The following ECM2 variants were observed in gnomAD, a reference collection of about 807,000 sequenced individuals.
The protein encoded by ECM2 is extracellular matrix protein 2, also known as extracellular matrix protein 2, female organ and adipocyte specific.
A neutral mutation model predicts 67.5 loss-of-function variants in ECM2; 57 were observed. The ratio of observed to expected loss-of-function variants is 0.84; its 90% CI spans 0.68 to 1.05. The LOEUF (loss-of-function observed/expected upper bound fraction) is 1.05, where lower values mean the gene tolerates loss of function less well. Ranked by LOEUF, ECM2 falls within the 50% of genes least tolerant of loss-of-function variation. The pLI is 0.00. For synonymous variants in ECM2, 258 were observed against 294.5 expected, an observed-to-expected ratio of 0.88 and a Z score of 1.27; for missense variants, 741 against 822.8, an observed-to-expected ratio of 0.90 and a Z score of 1.22.
At chr9:92,548,963 A>G in the ECM2 span, among the ~76,000 whole-genome samples, 1 of 152,232 alleles carries the variant, frequency 6.6e-6, no homozygotes, top group Admixed American at 6.5e-5. Flanking sequence ...GAACAAGGCT[A>G]TAAGACTTTC....
chr9:92,529,344 T>C (rs935325695), intron 1 of ECM2, among the ~76,000 whole-genome samples: 1 of 152,214 alleles, frequency 6.6e-6, no homozygotes, highest in African/African-American at 2.4e-5. Context: ...GTAAGTCTCA[T>C]TCGGTGCTGG....
chr9:92,516,575 G>A (rs1847738368), intron 3 of ECM2: 1 of 152,166 alleles, frequency 6.6e-6, no homozygotes, highest in Admixed American at 6.5e-5. Flanking sequence ...ATAGGAAAAA[G>A]TTAGTAAAAG....
At position 92,512,048 on chromosome 9, in the gene ECM2, T is replaced by C. The variant is rs988745902; in HGVS notation, c.1133A>G (p.Asn378Ser). Residue 378 changes from asparagine to serine, a missense_variant, in exon 5 of 10, where the codon AAT becomes AGT. By Grantham distance (46) the Asn-to-Ser change is conservative. Coordinates refer to ENST00000344604, the MANE Select transcript of ECM2 (RefSeq NM_001393.4). ...NLERLDLSKN[N>S]ITSSGIGPKA... Reference sequence around the variant, plus strand: ...TGGACCTATGCCTGAAGAAGTGATATTATTTTTACTCAGATCAAGCCTTTC... The same window carrying C: ...TGGACCTATGCCTGAAGAAGTGATACTATTTTTACTCAGATCAAGCCTTTC... The C allele has an allele frequency of 1.2e-6, 2 of 1,613,598 alleles. No individual in the cohort carries two copies. The highest frequency in any genetic ancestry group is 1.7e-6 in the Non-Finnish European group (2 of 1,179,688).
At chr9:92,526,290 A>G (rs1848405197) in intron 1 of ECM2, among the ~76,000 whole-genome samples, 1 of 152,226 alleles carries the variant, frequency 6.6e-6, no homozygotes, top group South Asian at 2.1e-4. Flanking sequence ...ATTACGCTAT[A>G]AAGAAAGAAA....
chr9:92,547,111 G>GT, the ECM2 span, among the ~76,000 whole-genome samples: 2 of 152,102 alleles, frequency 1.3e-5, no homozygotes, highest in African/African-American at 2.4e-5. Flanking sequence ...AACTAGCGGC[G>GT]TAAGTGTAAC....
chr9:92,499,645 T>C (rs1246815390), intron 9 of ECM2, among the ~76,000 whole-genome samples: 1 of 152,214 alleles, frequency 6.6e-6, no homozygotes, highest in Non-Finnish European at 1.5e-5. Flanking sequence ...TGAAGTATTT[T>C]TGCCAAAAAA....
the ECM2 span, among the ~76,000 whole-genome samples, chr9:92,546,424 C>T: frequency 4.6e-5 from 7 of 152,186 alleles, no homozygotes; most frequent in African/African-American, 1.4e-4. Context: ...ACTTTATGAG[C>T]TGTAACACTC....
At chr9:92,551,018 A>G in the ECM2 span, among the ~76,000 whole-genome samples, 2 of 152,172 alleles carry the variant, frequency 1.3e-5, no homozygotes, top group African/African-American at 4.8e-5. Flanking sequence ...GAGCCAGGGA[A>G]GAGGAATGCA....
chr9:92,501,807 AATCCCAG>A (rs1846696741), intron 8 of ECM2, among the ~76,000 whole-genome samples: 1 of 152,134 alleles, frequency 6.6e-6, no homozygotes, highest in African/African-American at 2.4e-5. Flanking sequence ...CAGGACACGC[AATCCCAG>A]ATCCCAGTTG....
chr9:92,504,345 C>T (rs1319262188), intron 7 of ECM2, among the ~76,000 whole-genome samples: 1 of 152,196 alleles, frequency 6.6e-6, no homozygotes, highest in Non-Finnish European at 1.5e-5. Flanking sequence ...ATGACAGCCA[C>T]ATAAGATCAC....
At chr9:92,541,190 C>T (rs931009966), upstream of ECM2, among the ~76,000 whole-genome samples, 3 of 152,080 alleles carry the variant, frequency 2.0e-5, no homozygotes, top group African/African-American at 7.2e-5. Context: ...ACCCAGGAGG[C>T]GGAGATTGCA....
intron 1 of ECM2, among the ~76,000 whole-genome samples, chr9:92,527,540 A>G (rs1353202993): frequency 6.6e-6 from 1 of 152,198 alleles, no homozygotes; most frequent in African/African-American, 2.4e-5. Context: ...TAAGTGACAT[A>G]TGACTGTAAT....
intron 1 of ECM2, among the ~76,000 whole-genome samples, chr9:92,534,377 CTTAG>C (rs1422454692): frequency 2.0e-5 from 3 of 152,202 alleles, no homozygotes; most frequent in East Asian, 1.9e-4. Context: ...TCAGGTTTCA[CTTAG>C]TTAGTTCATA....
the ECM2 span, among the ~76,000 whole-genome samples, chr9:92,555,733 A>G: frequency 6.6e-6 from 1 of 152,030 alleles, no homozygotes; most frequent in African/African-American, 2.4e-5. Flanking sequence ...GTCAGTTGTA[A>G]TATCTCCTGT....
At chr9:92,554,120 G>A in the ECM2 span, among the ~76,000 whole-genome samples, 1 of 152,122 alleles carries the variant, frequency 6.6e-6, no homozygotes, top group African/African-American at 2.4e-5. Context: ...ATCGTAAAGC[G>A]ATGCTGGATT....
the ECM2 span, among the ~76,000 whole-genome samples, chr9:92,549,654 AAAAAC>A: frequency 7.0e-6 from 1 of 143,214 alleles, no homozygotes; most frequent in Non-Finnish European, 1.5e-5. Flanking sequence ...CTCAAAAAAA[AAAAAC>A]AAAACAAAAC....
chr9:92,528,941 G>A (rs1399516606), intron 1 of ECM2, among the ~76,000 whole-genome samples: 1 of 152,178 alleles, frequency 6.6e-6, no homozygotes, highest in Non-Finnish European at 1.5e-5. Context: ...TAAAGTAGGT[G>A]TTTAAAAATC....
downstream of ECM2, chr9:92,493,888 A>T (rs1846238836): frequency 2.5e-6 from 1 of 405,646 alleles, no homozygotes; most frequent in Non-Finnish European, 4.4e-6. Flanking sequence ...TTGAGAAGCG[A>T]CATACACAGC....
intron 1 of ECM2, among the ~76,000 whole-genome samples, chr9:92,533,609 A>T (rs1451148856): frequency 6.6e-6 from 1 of 151,774 alleles, no homozygotes; most frequent in Non-Finnish European, 1.5e-5. Flanking sequence ...AGGTCTAATG[A>T]TCTGACTTGC....
Sources: allele counts gnomAD v4.1 joint callset (sites outside exome capture counted in the v4.1 genomes callset), GRCh38; gene constraint gnomAD v4.1.1; transcripts MANE v1.5; gene names NCBI Gene and HGNC (gene_info 2026-07-23, HGNC 2026-07-21).